The following MRPL3 variants were observed in gnomAD, a reference collection of about 807,000 sequenced individuals.
MRPL3 encodes large ribosomal subunit protein uL3m.
Under a neutral mutation model 44.3 loss-of-function variants are expected in MRPL3, and 43 were observed. The observed-to-expected ratio is 0.97, with a 90% CI of 0.76 to 1.25. The LOEUF (loss-of-function observed/expected upper bound fraction) is 1.25. Ranked by LOEUF, MRPL3 falls within the 50% of genes most tolerant of loss-of-function variation. The probability of loss-of-function intolerance (pLI) is 0.00; values close to 1 mark genes in which losing one functional copy is unlikely to be tolerated. For missense variants in MRPL3, 406 were observed against 427.6 expected, an observed-to-expected ratio of 0.95 and a Z score of 0.45; for synonymous variants, 171 against 152.3, an observed-to-expected ratio of 1.12 and a Z score of -0.91.
intron 4 of MRPL3, 119 bp downstream of exon 4, chr3:131,498,060 C>T (rs1934406110): frequency 2.5e-6 from 2 of 791,342 alleles, no homozygotes; most frequent in East Asian, 5.3e-5. Context: ...CCCAAATACA[C>T]AATTTACCTC....
At position 131,462,567 on chromosome 3, in the gene MRPL3, A is replaced by G; in HGVS notation, c.*156T>C. 1 of 553,814 alleles carries G rather than the reference A, an allele frequency of 1.8e-6. No individual in the cohort carries two copies. Among genetic ancestry groups the G allele is most frequent in the Non-Finnish European group, 2.8e-6 (1 of 356,030 alleles). The allele number at this position is 553,814 out of a possible 1,614,324, so 34.3% of individuals were successfully genotyped here. On this transcript the variant is annotated 3_prime_UTR_variant, in exon 10 of 10. Transcript: ENST00000264995. ...GTGGTAATTTTTCTAACAAAATTTA[A>G]TGGGGGTATGAATGATATATTTATG...
In MRPL3 at chr3:131,498,293, TA is replaced by T; in HGVS notation, c.370-17del. 1 of 1,494,916 alleles carries T rather than the reference TA, an allele frequency of 6.7e-7. No individual in the cohort carries two copies. Among genetic ancestry groups the T allele is most frequent in the South Asian group, 1.1e-5 (1 of 87,336 alleles). 92.6% of individuals were successfully genotyped at this position (1,494,916 alleles called of 1,614,324 possible). A position where few individuals can be genotyped will look rare whatever the true frequency, so the allele number is the denominator to read the frequency against. ...AGTCTTGTACCTAAAAAAACAAACA[TA>T]AAAAAACTAAGCATGTGCCAATATA... On this transcript the variant is annotated splice_polypyrimidine_tract_variant and intron_variant, in intron 3 of 9. Transcript: ENST00000264995.
intron 6 of MRPL3, among the ~76,000 whole-genome samples, chr3:131,472,102 AT>A (rs1179957724): frequency 6.6e-6 from 1 of 152,154 alleles, no homozygotes; most frequent in Non-Finnish European, 1.5e-5. Context: ...AACTGAGGTA[AT>A]AAATGTTTGT....
chr3:131,491,212 T>C lies in MRPL3; in HGVS notation c.469-1132A>G, dbSNP rs190525751. ...CTGTGAACCCAGTTTAATCAGCACT[T>C]TCAGCTCCTAGCACTCAATGCAAAG... On this transcript the variant is annotated intron_variant, in intron 4 of 9. Coordinates refer to ENST00000264995, the MANE Select transcript of MRPL3 (RefSeq NM_007208.4). 7.2e-5 allele frequency among the ~76,000 whole-genome samples: 11 copies of C among 152,278 alleles called. No homozygotes were observed. In the East Asian group the frequency reaches 2.1e-3, roughly 29 times the overall value.
intron 9 of MRPL3, 87 bp downstream of exon 9, chr3:131,468,004 C>G (rs1933654490): frequency 2.7e-5 from 18 of 666,052 alleles, no homozygotes; most frequent in Non-Finnish European, 4.2e-5. Flanking sequence ...CATATATAAA[C>G]AATAGAAAAT....
intron 6 of MRPL3, among the ~76,000 whole-genome samples, chr3:131,472,063 T>C (rs1475252637): frequency 2.6e-5 from 4 of 152,134 alleles, no homozygotes; most frequent in African/African-American, 9.7e-5. Context: ...GGCATCCAGG[T>C]AAGTTACAAT....
intron 2 of MRPL3, 88 bp downstream of exon 2, chr3:131,501,443 T>C (rs1286977882): frequency 2.8e-6 from 3 of 1,085,812 alleles, no homozygotes; most frequent in Admixed American, 2.4e-5. Flanking sequence ...CAAGAAATGA[T>C]AAATTATCAA....
intron 6 of MRPL3, among the ~76,000 whole-genome samples, chr3:131,481,369 T>C (rs1004112117): frequency 2.6e-5 from 4 of 152,356 alleles, no homozygotes; most frequent in Middle Eastern, 3.4e-3. Flanking sequence ...ATAATAGTGA[T>C]AGTAGCTAAT....
At chr3:131,495,200 T>A (rs935563047) in intron 4 of MRPL3, among the ~76,000 whole-genome samples, 13 of 152,130 alleles carry the variant, frequency 8.5e-5, no homozygotes, top group Admixed American at 4.6e-4. Context: ...AGGTCTTCGT[T>A]TTTTAAAAAA....
chr3:131,465,435 T>A (rs1475961295), intron 9 of MRPL3, among the ~76,000 whole-genome samples: 2 of 152,214 alleles, frequency 1.3e-5, no homozygotes, highest in Non-Finnish European at 2.9e-5. Context: ...CATTCATCTC[T>A]GCTGGTAACA....
chr3:131,502,046 TGGA>T, intron 1 of MRPL3: 1 of 745,930 alleles, frequency 1.3e-6, no homozygotes, highest in Non-Finnish European at 2.1e-6. Flanking sequence ...TTACATTCAG[TGGA>T]GGTGGCAGAA....
Position 131,487,706 on chromosome 3 carries a change from T to C in MRPL3, c.603A>G (p.Gly201=), listed in dbSNP as rs577543676. ...TPLYAAHFRP[G]QYVDVTAKTI... is the part of the protein sequence containing the mutation. ...TTTTGGCTGTGACATCCACATACTG[T>C]CCTGGACGAAAGTGAGCAGCATAAA... is the stretch of plus-strand genomic sequence containing the variant. The change falls in exon 6 of 10, where the codon GGA becomes GGG. Residue 201 remains glycine (G), a synonymous_variant. Transcript: ENST00000264995. The C allele has an allele frequency of 3.7e-6, 6 of 1,611,764 alleles. No individual in the cohort carries two copies. Among genetic ancestry groups the C allele is most frequent in the Non-Finnish European group, 4.2e-6 (5 of 1,179,418 alleles).
At chr3:131,474,597 C>T (rs1171710741) in intron 6 of MRPL3, among the ~76,000 whole-genome samples, 2 of 151,932 alleles carry the variant, frequency 1.3e-5, no homozygotes, top group African/African-American at 4.8e-5. Context: ...CCGTAACTAC[C>T]CTAATTTGAT....
intron 3 of MRPL3, among the ~76,000 whole-genome samples, chr3:131,499,647 T>C (rs1445905495): frequency 6.6e-6 from 1 of 152,150 alleles, no homozygotes; most frequent in African/African-American, 2.4e-5. Context: ...CCTGTATCAT[T>C]ACTTGCCTAA....
At chr3:131,473,255 A>C (rs1933780030) in intron 6 of MRPL3, among the ~76,000 whole-genome samples, 1 of 152,114 alleles carries the variant, frequency 6.6e-6, no homozygotes, top group South Asian at 2.1e-4. Context: ...CCAGAAATTC[A>C]CACATCACGG....
chr3:131,493,420 A>G (rs1934300365), intron 4 of MRPL3, among the ~76,000 whole-genome samples: 2 of 152,216 alleles, frequency 1.3e-5, no homozygotes, highest in South Asian at 4.1e-4. Context: ...ATTACTGTCC[A>G]TATCACCATA....
chr3:131,468,154 G>A lies in MRPL3; in HGVS notation c.831C>T (p.Asn277=). 1.3e-6 allele frequency: 2 copies of A among 1,586,974 alleles called. No individual in the cohort carries two copies. The highest frequency in any genetic ancestry group is 1.8e-5 in the Admixed American group (1 of 54,892). The part of the protein sequence containing the change: ...TEYGLKVWRI[N]TKHNIIYVNG... ...TTACATAGATTATGTTGTGCTTTGT[G>A]TTTATTCTCCACACCTAAAGCATGA... The change falls in exon 9 of 10, where the codon AAC becomes AAT. Residue 277 remains asparagine, a synonymous_variant. Coordinates refer to ENST00000264995, the MANE Select transcript of MRPL3 (RefSeq NM_007208.4).
intron 5 of MRPL3, 89 bp from the exon 6 acceptor site, chr3:131,487,829 T>G: frequency 4.0e-6 from 4 of 994,000 alleles, no homozygotes; most frequent in Non-Finnish European, 6.1e-6. Flanking sequence ...GGAAGGCTTC[T>G]AGCTGATTTC....
intron 5 of MRPL3, chr3:131,488,599 T>A (rs1559827125): frequency 1.3e-5 from 2 of 152,242 alleles, no homozygotes; most frequent in East Asian, 3.9e-4. Flanking sequence ...AAATTTATTA[T>A]CTTGGTGAAG....
Sources: gnomAD v4.1 joint callset for allele counts (sites outside exome capture counted in the v4.1 genomes callset) on GRCh38, gnomAD v4.1.1 for gene constraint, MANE v1.5 for transcripts, NCBI Gene and HGNC (gene_info 2026-07-23, HGNC 2026-07-21) for gene names.